The following CDIN1 variants were observed in gnomAD, a reference collection of about 807,000 sequenced individuals.
CDIN1 encodes the protein CDAN1 interacting nuclease 1.
Under a neutral mutation model 45.3 loss-of-function variants are expected in CDIN1, and 33 were observed. The observed-to-expected ratio is 0.73, with a 90% CI of 0.55 to 0.97. The LOEUF (loss-of-function observed/expected upper bound fraction) is 0.97. Among genes scored for constraint, CDIN1 ranks in the 50% least tolerant of loss-of-function variants. CDIN1 has a pLI of 0.00. For synonymous variants in CDIN1, 118 were observed against 124.4 expected (o/e 0.95, Z 0.34); for missense variants, 303 against 339.4 (o/e 0.89, Z 0.84).
rs541217025 is a variant in CDIN1, at chr15:36,802,459, A to G, written c.717-5865A>G. Among the ~76,000 whole-genome samples the G allele has an allele frequency of 2.6e-5, 4 of 152,302 alleles. No individual in the cohort carries two copies. The South Asian group carries it at 6.2e-4, about 24-fold the overall frequency. ...GGGTTATTGGGGTTAATTTAGCAAG[A>G]TGATATCTAATAGTATGATTCGAAA... On this transcript the variant is annotated intron_variant, in intron 10 of 10. Coordinates refer to ENST00000566621, the MANE Select transcript of CDIN1 (RefSeq NM_001321759.2).
At chr15:36,584,987 T>TA (rs139344019) in intron 1 of CDIN1, among the ~76,000 whole-genome samples, 8,722 of 152,318 alleles carry the variant, frequency 0.057, 352 homozygotes, top group Middle Eastern at 0.099. Context: ...AAGTACTTGC[T>TA]GAGGACATAT....
chr15:36,614,337 TC>T, intron 1 of CDIN1: 1 of 543,516 alleles, frequency 1.8e-6, no homozygotes. Flanking sequence ...CACCCCCTTC[TC>T]CCCTGTGGCT....
chr15:36,742,121 A>G (rs1288077924), intron 10 of CDIN1, among the ~76,000 whole-genome samples: 1 of 152,200 alleles, frequency 6.6e-6, no homozygotes, highest in African/African-American at 2.4e-5. Flanking sequence ...CCAAATGTCC[A>G]AGTGTCCAGA....
intron 10 of CDIN1, among the ~76,000 whole-genome samples, chr15:36,732,807 T>C (rs2043879741): frequency 6.6e-6 from 1 of 152,008 alleles, no homozygotes; most frequent in African/African-American, 2.4e-5. Flanking sequence ...TTTCTAGTAT[T>C]TTCTTATCAC....
At chr15:36,604,264 A>G (rs1457019681) in intron 1 of CDIN1, among the ~76,000 whole-genome samples, 6 of 118,150 alleles carry the variant, frequency 5.1e-5, no homozygotes, top group Non-Finnish European at 1.1e-4. Context: ...ATGTAATGAA[A>G]GCCACCTGGC....
At chr15:36,805,211 T>A (rs2055188696) in intron 10 of CDIN1, among the ~76,000 whole-genome samples, 1 of 152,156 alleles carries the variant, frequency 6.6e-6, no homozygotes, top group African/African-American at 2.4e-5. Context: ...GGGTCTTGGA[T>A]CTTATTACTT....
chr15:36,664,050 A>G (rs2041136554), intron 5 of CDIN1, among the ~76,000 whole-genome samples: 1 of 152,200 alleles, frequency 6.6e-6, no homozygotes, highest in East Asian at 1.9e-4. Flanking sequence ...TAAAGTCTGT[A>G]GACATGGCAA....
At chr15:36,754,145 C>A (rs1358310499) in intron 10 of CDIN1, among the ~76,000 whole-genome samples, 1 of 152,192 alleles carries the variant, frequency 6.6e-6, no homozygotes. Flanking sequence ...TCTTCTCCCA[C>A]AGTGGCCCTC....
chr15:36,583,881 T>C (rs1408347786), intron 1 of CDIN1, among the ~76,000 whole-genome samples: 2 of 152,006 alleles, frequency 1.3e-5, no homozygotes, highest in East Asian at 3.9e-4. Flanking sequence ...CTGGGCACGG[T>C]GGCGGGCGCC....
chr15:36,762,127 CCTTAGGATTCA>C (rs1394549253), intron 10 of CDIN1, among the ~76,000 whole-genome samples: 1 of 151,804 alleles, frequency 6.6e-6, no homozygotes, highest in Admixed American at 6.6e-5. Flanking sequence ...GGATTTGAAG[CCTTAGGATTCA>C]CTGGGCAAGC....
intron 10 of CDIN1, among the ~76,000 whole-genome samples, chr15:36,792,771 C>G (rs147858605): frequency 3.9e-5 from 6 of 152,242 alleles, no homozygotes; most frequent in Middle Eastern, 3.4e-3. Flanking sequence ...GAAAGAGGAT[C>G]ACCCTCAGGC....
intron 10 of CDIN1, among the ~76,000 whole-genome samples, chr15:36,776,164 C>T (rs1029294690): frequency 3.9e-5 from 6 of 152,178 alleles, no homozygotes; most frequent in East Asian, 1.9e-4. Flanking sequence ...TTTTCAAGTA[C>T]GACCCATTCA....
chr15:36,803,361 C>T (rs1319452241), intron 10 of CDIN1, among the ~76,000 whole-genome samples: 1 of 151,678 alleles, frequency 6.6e-6, no homozygotes, highest in African/African-American at 2.4e-5. Context: ...ACAGTGGGGA[C>T]TGTGGCAGTC....
intron 10 of CDIN1, among the ~76,000 whole-genome samples, chr15:36,718,812 C>CTTTTTTTTTTTTTTT (rs3045909): frequency 1.1e-4 from 11 of 96,626 alleles, no homozygotes; most frequent in South Asian, 4.1e-4. Flanking sequence ...AATTTGTATG[C>CTTTTTTTTTTTTTTT]TTTTTTTTTT....
In CDIN1 at chr15:36,597,656, C is replaced by T. The variant is rs118117070; in HGVS notation, c.101+17695C>T. Among the ~76,000 whole-genome samples, 366 of 152,222 alleles carry T rather than the reference C, an allele frequency of 2.4e-3. 14 individuals are homozygous for T. In the East Asian group the frequency reaches 0.058, roughly 24 times the overall value. ...CATCGTCTTTATCTTTCCTTTCTGA[C>T]GGTGCAGTATGATAGAACCTTCAGT... On this transcript the variant is annotated intron_variant, in intron 1 of 10. Transcript: ENST00000566621.
At chr15:36,637,668 G>C (rs1370281244) in intron 1 of CDIN1, among the ~76,000 whole-genome samples, 1 of 152,188 alleles carries the variant, frequency 6.6e-6, no homozygotes, top group African/African-American at 2.4e-5. Context: ...TCACCCAGGA[G>C]TGAGTCCACA....
At chr15:36,729,297 A>G (rs1416691848) in intron 10 of CDIN1, among the ~76,000 whole-genome samples, 3 of 152,180 alleles carry the variant, frequency 2.0e-5, no homozygotes, top group Non-Finnish European at 4.4e-5. Flanking sequence ...GTTGGAAAAA[A>G]ATGATATTTT....
chr15:36,607,498 G>A (rs2038432457), intron 1 of CDIN1, among the ~76,000 whole-genome samples: 1 of 152,034 alleles, frequency 6.6e-6, no homozygotes, highest in African/African-American at 2.4e-5. Context: ...GATCTAATAT[G>A]CATTCCATCT....
chr15:36,708,415 C>T (rs953946458), intron 8 of CDIN1: 1 of 150,834 alleles, frequency 6.6e-6, no homozygotes, highest in Non-Finnish European at 1.5e-5. Flanking sequence ...TCACATTGTA[C>T]TGCCATTAGA....
Sources: allele counts gnomAD v4.1 joint callset (sites outside exome capture counted in the v4.1 genomes callset), GRCh38; gene constraint gnomAD v4.1.1; transcripts MANE v1.5; gene names NCBI Gene and HGNC (gene_info 2026-07-23, HGNC 2026-07-21).